LYPLA1: variants seen among roughly 807,000 people sequenced by gnomAD.
LYPLA1 encodes acyl-protein thioesterase 1.
In LYPLA1, 17 loss-of-function variants were observed where a neutral mutation model predicts 34.0. That is an observed-to-expected ratio of 0.50 (90% CI 0.34 to 0.75). The LOEUF (loss-of-function observed/expected upper bound fraction) is 0.75, where lower values mean the gene tolerates loss of function less well. Among genes scored for constraint, LYPLA1 ranks in the 30% least tolerant of loss-of-function variants. The pLI is 0.01. For synonymous variants in LYPLA1, 98 were observed against 100.8 expected, an observed-to-expected ratio of 0.97 and a Z score of 0.17; for missense variants, 203 against 288.8, an observed-to-expected ratio of 0.70 and a Z score of 2.15.
intron 2 of LYPLA1, among the ~76,000 whole-genome samples, chr8:54,077,132 A>G (rs1317298125): frequency 6.6e-6 from 1 of 152,186 alleles, no homozygotes; most frequent in Non-Finnish European, 1.5e-5. Flanking sequence ...AATATCGTAC[A>G]TATACACCAT....
At position 54,084,138 on chromosome 8, in the gene LYPLA1, A is replaced by AAAAAAAAATTTT; in HGVS notation, c.101+16769_101+16770insAAAATTTTTTTT. Among the ~76,000 whole-genome samples the AAAAAAAAATTTT allele has an allele frequency of 3.1e-5, 4 of 131,132 alleles. 1 individual carries two copies. Among genetic ancestry groups the AAAAAAAAATTTT allele is most frequent in the African/African-American group, 1.3e-4 (4 of 29,972 alleles). The allele number at this position is 131,132 out of a possible 152,430, so 86.0% of individuals were successfully genotyped here. On this transcript the variant is annotated intron_variant, in intron 2 of 8. Coordinates refer to ENST00000316963, the MANE Select transcript of LYPLA1 (RefSeq NM_006330.4). ...GGGAGACCAAAGAAAAAAAAAATAA[A>AAAAAAAAATTTT]TAAATATATATATATATATATATAT...
rs1321119071 is a variant in LYPLA1 at position 54,101,350 on chromosome 8, C to T, written c.69+405G>A. The stretch of plus-strand genomic sequence containing the variant: ...TTTTCTAAAAAACAGTACGTCTGAC[C>T]TTGTAGGACACTCAATCTTCAAACT... On this transcript the variant is annotated intron_variant, in intron 1 of 8. Coordinates refer to ENST00000316963, the MANE Select transcript of LYPLA1 (RefSeq NM_006330.4). 4 of 1,061,878 alleles carry T rather than the reference C, an allele frequency of 3.8e-6. No individual in the cohort carries two copies. The East Asian group carries it at 3.1e-4, about 83-fold the overall frequency. The allele number at this position is 1,061,878 out of a possible 1,614,324, so 65.8% of individuals were successfully genotyped here. A position where few individuals can be genotyped will look rare whatever the true frequency, so the allele number is the denominator to read the frequency against.
intron 2 of LYPLA1, among the ~76,000 whole-genome samples, chr8:54,092,458 G>A (rs1189632675): frequency 6.6e-6 from 1 of 152,134 alleles, no homozygotes; most frequent in Non-Finnish European, 1.5e-5. Flanking sequence ...AACTGGCAGT[G>A]GGGCCCAAGA....
chr8:54,095,419 T>C (rs1418942519), intron 2 of LYPLA1, among the ~76,000 whole-genome samples: 1 of 152,166 alleles, frequency 6.6e-6, no homozygotes, highest in African/African-American at 2.4e-5. Context: ...GCTAAATCCA[T>C]GGGTGAACAT....
At chr8:54,096,061 A>G (rs527603128) in intron 2 of LYPLA1, among the ~76,000 whole-genome samples, 1 of 152,352 alleles carries the variant, frequency 6.6e-6, no homozygotes, top group Admixed American at 6.5e-5. Context: ...TAACTTCTTA[A>G]TGATGGTTAT....
At chr8:54,087,572 G>A (rs1260946434) in intron 2 of LYPLA1, among the ~76,000 whole-genome samples, 9 of 152,228 alleles carry the variant, frequency 5.9e-5, no homozygotes. Flanking sequence ...CCAAAAGGGT[G>A]CAAAGACACC....
Position 54,101,858 on chromosome 8 carries a change from GA to G in LYPLA1, c.-36del. ...CAGCTCACAGCGCAAGCGGAAGGAA[GA>G]GCGGGCGCCCGGCCGCGGCCCAAGG... On this transcript the variant is annotated 5_prime_UTR_variant, in exon 1 of 9. Transcript: ENST00000316963. 2 of 1,216,952 alleles carry G rather than the reference GA, an allele frequency of 1.6e-6. No homozygotes were observed. The highest frequency in any genetic ancestry group is 2.1e-6 in the Non-Finnish European group (2 of 964,948). The allele number at this position is 1,216,952 out of a possible 1,614,324, so 75.4% of individuals were successfully genotyped here.
intron 2 of LYPLA1, among the ~76,000 whole-genome samples, chr8:54,076,863 A>G (rs1022395365): frequency 6.6e-6 from 1 of 151,936 alleles, no homozygotes; most frequent in Non-Finnish European, 1.5e-5. Flanking sequence ...CTGTTAATAA[A>G]CATGTGGGCA....
At chr8:54,101,560 C>G (rs954877680) in intron 1 of LYPLA1, 195 bp downstream of exon 1, 33 of 1,148,846 alleles carry the variant, frequency 2.9e-5, no homozygotes, top group Non-Finnish European at 3.4e-5. Flanking sequence ...GACTGGCCCT[C>G]GCGCCGGCTG....
chr8:54,059,904 T>C (rs1563579232), intron 5 of LYPLA1, among the ~76,000 whole-genome samples: 1 of 151,946 alleles, frequency 6.6e-6, no homozygotes, highest in African/African-American at 2.4e-5. Context: ...TGGGCGACAG[T>C]CTCTAAGTAA....
rs1333292763 is a variant in LYPLA1, at chr8:54,084,149, T to A, written c.101+16759A>T. Among the ~76,000 whole-genome samples the A allele has an allele frequency of 6.3e-4, 81 of 129,062 alleles. 1 individual carries two copies. Among genetic ancestry groups the A allele is most frequent in the African/African-American group, 2.8e-3 (75 of 27,166 alleles). The allele number at this position is 129,062 out of a possible 152,430, so 84.7% of individuals were successfully genotyped here. A position where few individuals can be genotyped will look rare whatever the true frequency, so the allele number is the denominator to read the frequency against. ...GAAAAAAAAAATAAATAAATATATATATATATATATATATAAAATAAAGAC... is the reference window on the plus strand; with the variant it reads ...GAAAAAAAAAATAAATAAATATATAAATATATATATATATAAAATAAAGAC... On this transcript the variant is annotated intron_variant, in intron 2 of 8. Transcript: ENST00000316963.
At chr8:54,081,146 T>C (rs1490659261) in intron 2 of LYPLA1, among the ~76,000 whole-genome samples, 1 of 152,222 alleles carries the variant, frequency 6.6e-6, no homozygotes, top group Non-Finnish European at 1.5e-5. Flanking sequence ...AACAGGCTGT[T>C]GAAGAGTTGC....
intron 2 of LYPLA1, among the ~76,000 whole-genome samples, chr8:54,097,164 A>G (rs192596160): frequency 1.5e-3 from 232 of 152,352 alleles, no homozygotes; most frequent in African/African-American, 4.3e-3. Context: ...ACAAAAGGAA[A>G]GTAACTGCAG....
chr8:54,058,792 C>T (rs932789868), intron 5 of LYPLA1, among the ~76,000 whole-genome samples: 2 of 151,226 alleles, frequency 1.3e-5, no homozygotes, highest in Non-Finnish European at 2.9e-5. Context: ...TGGTTTTGAA[C>T]CCCTGGGCTC....
intron 2 of LYPLA1, among the ~76,000 whole-genome samples, chr8:54,076,536 G>A (rs183813771): frequency 8.9e-4 from 135 of 151,998 alleles, no homozygotes; most frequent in Non-Finnish European, 1.5e-3. Context: ...AAGCCCCCCC[G>A]AAATCTGGCT....
At chr8:54,092,810 T>C (rs560869100) in intron 2 of LYPLA1, among the ~76,000 whole-genome samples, 16 of 152,164 alleles carry the variant, frequency 1.1e-4, no homozygotes, top group Middle Eastern at 3.2e-3. Flanking sequence ...AATGAGTCCC[T>C]GTCTCTACTT....
At chr8:54,073,518 T>C (rs1807657746) in intron 2 of LYPLA1, 1 of 702,642 alleles carries the variant, frequency 1.4e-6, no homozygotes. Flanking sequence ...GCATCTACAC[T>C]GCCACTTCTA....
chr8:54,070,056 G>A (rs1414563299), intron 2 of LYPLA1, among the ~76,000 whole-genome samples: 1 of 152,236 alleles, frequency 6.6e-6, no homozygotes, highest in African/African-American at 2.4e-5. Context: ...AATGTAAATG[G>A]TGCAGCGACT....
At chr8:54,058,925 A>T (rs1806401603) in intron 5 of LYPLA1, among the ~76,000 whole-genome samples, 1 of 152,118 alleles carries the variant, frequency 6.6e-6, no homozygotes, top group African/African-American at 2.4e-5. Context: ...ATGTAACCTG[A>T]GCACTGTCTT....
Sources: allele counts gnomAD v4.1 joint callset (sites outside exome capture counted in the v4.1 genomes callset), GRCh38; gene constraint gnomAD v4.1.1; transcripts MANE v1.5; gene names NCBI Gene and HGNC (gene_info 2026-07-23, HGNC 2026-07-21).